NYAP2: variants seen among roughly 807,000 people sequenced by gnomAD.
NYAP2 encodes the protein neuronal tyrosine-phosphorylated phosphoinositide-3-kinase adapter 2.
A neutral mutation model predicts 50.4 loss-of-function variants in NYAP2; 23 were observed. The observed-to-expected ratio is 0.46, with a 90% CI of 0.33 to 0.65. NYAP2 has a LOEUF of 0.65. Among genes scored for constraint, NYAP2 ranks in the 30% least tolerant of loss-of-function variants. The pLI is 0.02. For synonymous variants in NYAP2, 394 were observed against 365.2 expected (o/e 1.08, Z -0.90); for missense variants, 885 against 861.0 (o/e 1.03, Z -0.35).
At chr2:225,519,569 G>A (rs1456411612) in intron 4 of NYAP2, among the ~76,000 whole-genome samples, 2 of 151,852 alleles carry the variant, frequency 1.3e-5, no homozygotes, top group Non-Finnish European at 1.5e-5. Context: ...ATGATTTCCA[G>A]CTTCATCCAT....
chr2:225,523,179 C>T (rs1482974029), intron 4 of NYAP2, among the ~76,000 whole-genome samples: 2 of 151,750 alleles, frequency 1.3e-5, no homozygotes, highest in African/African-American at 2.4e-5. Flanking sequence ...TTATAAGTGG[C>T]CATAACGTTT....
intron 6 of NYAP2, among the ~76,000 whole-genome samples, chr2:225,640,606 T>C (rs897145881): frequency 3.9e-5 from 6 of 152,204 alleles, no homozygotes; most frequent in African/African-American, 1.4e-4. Context: ...CATTTTTTTT[T>C]CTAGGAAGGT....
chr2:225,553,412 T>C (rs1443572138), intron 4 of NYAP2, among the ~76,000 whole-genome samples: 1 of 152,108 alleles, frequency 6.6e-6, no homozygotes, highest in Non-Finnish European at 1.5e-5. Context: ...GGGCTGAACA[T>C]GGAAGGATGA....
chr2:225,417,414 C>T (rs2106124478), intron 3 of NYAP2, among the ~76,000 whole-genome samples: 1 of 151,960 alleles, frequency 6.6e-6, no homozygotes, highest in Non-Finnish European at 1.5e-5. Context: ...AAACACATGC[C>T]TCTAGTTAAA....
chr2:225,520,386 T>C (rs1332069776), intron 4 of NYAP2, among the ~76,000 whole-genome samples: 5 of 152,120 alleles, frequency 3.3e-5, no homozygotes, highest in East Asian at 1.9e-4. Flanking sequence ...GGTTTTCTTC[T>C]AGGGTTTTTA....
chr2:225,636,077 T>C (rs567863563), intron 6 of NYAP2, among the ~76,000 whole-genome samples: 1 of 152,228 alleles, frequency 6.6e-6, no homozygotes, highest in Admixed American at 6.5e-5. Flanking sequence ...ATATATAATG[T>C]ACCCTAGACT....
chr2:225,427,324 AC>A (rs1348676359), intron 3 of NYAP2, among the ~76,000 whole-genome samples: 14 of 152,346 alleles, frequency 9.2e-5, no homozygotes, highest in Non-Finnish European at 2.1e-4. Flanking sequence ...AAATAATGAC[AC>A]TTCATCAAAC....
At chr2:225,530,773 G>A (rs192295749) in intron 4 of NYAP2, among the ~76,000 whole-genome samples, 19 of 152,190 alleles carry the variant, frequency 1.2e-4, no homozygotes, top group East Asian at 7.7e-4. Context: ...TGACCCAGGC[G>A]TTTCCTCCAT....
the NYAP2 span, among the ~76,000 whole-genome samples, chr2:225,669,006 T>A: frequency 7.5e-6 from 1 of 133,902 alleles, no homozygotes; most frequent in East Asian, 2.2e-4. Flanking sequence ...TGGCTTAAAA[T>A]TGATTGCATA....
intron 3 of NYAP2, among the ~76,000 whole-genome samples, chr2:225,426,185 T>A (rs1024616183): frequency 6.6e-6 from 1 of 151,900 alleles, no homozygotes; most frequent in African/African-American, 2.4e-5. Flanking sequence ...CCTCAATCTA[T>A]AATATAATGT....
intron 5 of NYAP2, among the ~76,000 whole-genome samples, chr2:225,611,528 A>T (rs1403716759): frequency 6.6e-6 from 1 of 151,866 alleles, no homozygotes; most frequent in Non-Finnish European, 1.5e-5. Flanking sequence ...CCGCAAAACT[A>T]ATCTAATCCA....
At chr2:225,439,137 A>G (rs1223951290) in intron 3 of NYAP2, among the ~76,000 whole-genome samples, 13 of 152,204 alleles carry the variant, frequency 8.5e-5, no homozygotes, top group Non-Finnish European at 2.9e-5. Context: ...GGGTTAGGCT[A>G]TGAAGAAGGC....
At chr2:225,421,087 T>C (rs76728873) in intron 3 of NYAP2, among the ~76,000 whole-genome samples, 4,622 of 151,600 alleles carry the variant, frequency 0.03, 223 homozygotes, top group African/African-American at 0.1. Context: ...TATGCCCAGC[T>C]AATGGTAGAG....
chr2:225,615,727 T>C (rs1269408591), intron 5 of NYAP2, among the ~76,000 whole-genome samples: 4 of 152,110 alleles, frequency 2.6e-5, no homozygotes. Context: ...AACTGTGGAT[T>C]CTGGAGCTGA....
At chr2:225,533,954 G>A (rs977529797) in intron 4 of NYAP2, among the ~76,000 whole-genome samples, 2 of 152,078 alleles carry the variant, frequency 1.3e-5, no homozygotes, top group African/African-American at 2.4e-5. Context: ...GTTATCCTAT[G>A]TTTCTAACCA....
intron 5 of NYAP2, among the ~76,000 whole-genome samples, chr2:225,587,785 C>T (rs548799409): frequency 2.9e-4 from 44 of 151,142 alleles, no homozygotes; most frequent in Non-Finnish European, 5.3e-4. Context: ...ACCCACTCAA[C>T]TCCTGTCATT....
At chr2:225,514,208 A>G (rs1277214748) in intron 4 of NYAP2, among the ~76,000 whole-genome samples, 2 of 152,212 alleles carry the variant, frequency 1.3e-5, no homozygotes, top group African/African-American at 2.4e-5. Flanking sequence ...TATGAAACAT[A>G]CAAGTCAAAT....
the NYAP2 span, among the ~76,000 whole-genome samples, chr2:225,661,647 A>G: frequency 6.6e-6 from 1 of 152,076 alleles, no homozygotes; most frequent in South Asian, 2.1e-4. Context: ...AAGATATAAA[A>G]CCAGGTAGTT....
chr2:225,666,169 C>A, the NYAP2 span, among the ~76,000 whole-genome samples: 448 of 152,256 alleles, frequency 2.9e-3, no homozygotes, highest in African/African-American at 0.01. Flanking sequence ...AAGTCACCTA[C>A]TTTAATGCCA....
Sources: allele counts gnomAD v4.1 joint callset (sites outside exome capture counted in the v4.1 genomes callset), GRCh38; gene constraint gnomAD v4.1.1; transcripts MANE v1.5; gene names NCBI Gene and HGNC (gene_info 2026-07-23, HGNC 2026-07-21).